The following DAB1 variants were observed in gnomAD, a reference collection of about 807,000 sequenced individuals.
The protein encoded by DAB1 is disabled homolog 1.
Under a neutral mutation model 64.6 loss-of-function variants are expected in DAB1, and 15 were observed. The ratio of observed to expected loss-of-function variants is 0.23; its 90% confidence interval spans 0.16 to 0.36. DAB1 has a LOEUF of 0.36. Ranked by LOEUF, DAB1 falls within the 10% of genes least tolerant of loss-of-function variation. The pLI is 1.00. For synonymous variants in DAB1, 235 were observed against 251.9 expected, an observed-to-expected ratio of 0.93 and a Z score of 0.64; for missense variants, 596 against 706.7, an observed-to-expected ratio of 0.84 and a Z score of 1.78.
At chr1:58,200,570 G>A (rs1349795651) in intron 4 of DAB1, among the ~76,000 whole-genome samples, 1 of 152,142 alleles carries the variant, frequency 6.6e-6, no homozygotes, top group African/African-American at 2.4e-5. Context: ...AAGGCAGAAT[G>A]GTATGTGCCT....
In DAB1 at chr1:58,084,813, G is replaced by A. The variant is rs1359342688; in HGVS notation, n.387+65698C>T. Among the ~76,000 whole-genome samples the A allele has an allele frequency of 2.0e-5, 3 of 149,750 alleles. No homozygotes were observed. In the East Asian group the frequency reaches 5.8e-4, roughly 29 times the overall value. On this transcript the variant is annotated intron_variant and non_coding_transcript_variant, in intron 5 of 20. Transcript: ENST00000485760. ...TAATTATATATATACACACATATGT[G>A]TATATATATATGTGCACATACATAT...
At chr1:57,969,217 G>A (rs1036336354) in intron 5 of DAB1, among the ~76,000 whole-genome samples, 1 of 152,054 alleles carries the variant, frequency 6.6e-6, no homozygotes, top group African/African-American at 2.4e-5. Context: ...TCAAGAATAT[G>A]AATGCCATCA....
chr1:57,054,150 T>C (rs551858312), intron 9 of DAB1, among the ~76,000 whole-genome samples: 8 of 152,284 alleles, frequency 5.3e-5, no homozygotes, highest in African/African-American at 1.9e-4. Flanking sequence ...CATAAGAATA[T>C]TACATGGGGG....
At chr1:57,182,210 C>T (rs1663044312) in intron 2 of DAB1, among the ~76,000 whole-genome samples, 1 of 152,186 alleles carries the variant, frequency 6.6e-6, no homozygotes, top group African/African-American at 2.4e-5. Context: ...AACACACTGA[C>T]AGGCACTCAA....
chr1:57,998,797 T>C (rs971918519), intron 5 of DAB1, among the ~76,000 whole-genome samples: 3 of 152,214 alleles, frequency 2.0e-5, no homozygotes, highest in Non-Finnish European at 4.4e-5. Context: ...AGGGAGAGAA[T>C]ATTAGGATTT....
At chr1:57,174,979 G>A (rs1160977383) in intron 2 of DAB1, among the ~76,000 whole-genome samples, 2 of 152,054 alleles carry the variant, frequency 1.3e-5, no homozygotes, top group African/African-American at 2.4e-5. Flanking sequence ...ATTTTAAAAG[G>A]GTAACTTGTT....
intron 7 of DAB1, among the ~76,000 whole-genome samples, chr1:57,429,723 A>G (rs1570509586): frequency 6.6e-6 from 1 of 152,300 alleles, no homozygotes; most frequent in East Asian, 1.9e-4. Flanking sequence ...CAGTTTTCCC[A>G]ACACCATTTA....
intron 3 of DAB1, among the ~76,000 whole-genome samples, chr1:58,484,118 A>T (rs1340043914): frequency 2.0e-5 from 3 of 152,208 alleles, no homozygotes; most frequent in Non-Finnish European, 2.9e-5. Flanking sequence ...AATATTTAGA[A>T]CACCACAGTG....
chr1:57,979,528 C>T (rs747165109), intron 5 of DAB1, among the ~76,000 whole-genome samples: 5 of 152,018 alleles, frequency 3.3e-5, no homozygotes, highest in African/African-American at 1.2e-4. Flanking sequence ...CAAACCTGCA[C>T]GTTGTGCACA....
At chr1:57,443,199 T>C (rs754141281) in intron 7 of DAB1, among the ~76,000 whole-genome samples, 10 of 152,220 alleles carry the variant, frequency 6.6e-5, no homozygotes, top group Non-Finnish European at 1.0e-4. Flanking sequence ...ACAATGCTTA[T>C]GCAGTTTAGG....
chr1:58,159,443 T>C (rs904337748), intron 4 of DAB1, among the ~76,000 whole-genome samples: 1 of 152,194 alleles, frequency 6.6e-6, no homozygotes, highest in Non-Finnish European at 1.5e-5. Flanking sequence ...ATGGTCAGAA[T>C]TGTGGATGTC....
chr1:57,502,585 A>G (rs1201900435), intron 7 of DAB1, among the ~76,000 whole-genome samples: 1 of 152,206 alleles, frequency 6.6e-6, no homozygotes, highest in African/African-American at 2.4e-5. Flanking sequence ...GGTTCTTTCC[A>G]TATCCTTATC....
intron 3 of DAB1, 114 bp from the exon 4 acceptor site, chr1:57,136,755 T>C: frequency 2.0e-6 from 1 of 503,966 alleles, no homozygotes; most frequent in Non-Finnish European, 3.4e-6. Context: ...GCACACTGCT[T>C]TCCCTTCGCA....
At chr1:58,342,278 G>A (rs1049896267) in intron 4 of DAB1, among the ~76,000 whole-genome samples, 1 of 152,144 alleles carries the variant, frequency 6.6e-6, no homozygotes, top group Non-Finnish European at 1.5e-5. Flanking sequence ...AACTCAGGTG[G>A]AATCTGGGGA....
chr1:57,455,000 C>T (rs1432922851), intron 7 of DAB1, among the ~76,000 whole-genome samples: 2 of 151,954 alleles, frequency 1.3e-5, no homozygotes, highest in East Asian at 3.9e-4. Flanking sequence ...GGAGAGAGGG[C>T]AACTTTGTCT....
At chr1:58,111,411 A>G (rs1776192) in intron 5 of DAB1, among the ~76,000 whole-genome samples, 46,760 of 152,102 alleles carry the variant, frequency 0.31, 8,523 homozygotes, top group African/African-American at 0.5. Context: ...TTAAAGCTAA[A>G]TTGATTTCAT....
intron 1 of DAB1, among the ~76,000 whole-genome samples, chr1:57,375,746 G>A (rs1342556646): frequency 6.6e-6 from 1 of 152,156 alleles, no homozygotes; most frequent in East Asian, 1.9e-4. Context: ...ATGCATGTGT[G>A]TCTGTGTGTG....
chr1:57,314,871 G>C (rs143413681), intron 1 of DAB1, among the ~76,000 whole-genome samples: 38 of 152,198 alleles, frequency 2.5e-4, no homozygotes, highest in African/African-American at 9.1e-4. Context: ...GAAGAAAAGA[G>C]AGGATGGATC....
intron 2 of DAB1, among the ~76,000 whole-genome samples, chr1:57,185,271 C>G (rs1663418926): frequency 6.6e-6 from 1 of 152,196 alleles, no homozygotes; most frequent in South Asian, 2.1e-4. Context: ...GGCATTCTCT[C>G]TCCTGGAACT....
Sources: gnomAD v4.1 joint callset for allele counts (sites outside exome capture counted in the v4.1 genomes callset) on GRCh38, gnomAD v4.1.1 for gene constraint, MANE v1.5 for transcripts, NCBI Gene and HGNC (gene_info 2026-07-23, HGNC 2026-07-21) for gene names.